The following DPP6 variants were observed in gnomAD, a reference collection of about 807,000 sequenced individuals.
DPP6 encodes the protein dipeptidyl peptidase like 6, also known as A-type potassium channel modulatory protein DPP6.
In DPP6, 69 loss-of-function variants were observed where a neutral mutation model predicts 122.6. The ratio of observed to expected loss-of-function variants is 0.56; its 90% CI spans 0.46 to 0.69. The LOEUF (loss-of-function observed/expected upper bound fraction) is 0.69, where lower values mean the gene tolerates loss of function less well. DPP6 is among the 30% of genes least tolerant of loss of function. The pLI, the probability that DPP6 is intolerant of heterozygous loss-of-function variation, is 0.00. For synonymous variants in DPP6, 418 were observed against 433.1 expected (o/e 0.97, Z 0.43); for missense variants, 928 against 1,116.9 (o/e 0.83, Z 2.41).
intron 1 of DPP6, among the ~76,000 whole-genome samples, chr7:153,890,682 ACTT>A (rs1363674188): frequency 7.5e-5 from 10 of 132,882 alleles, no homozygotes; most frequent in Non-Finnish European, 1.2e-4. Context: ...TCAGTTTAGA[ACTT>A]TTTTTTTTTT....
chr7:153,904,561 AATC>A (rs1799770332), intron 1 of DPP6, among the ~76,000 whole-genome samples: 2 of 152,160 alleles, frequency 1.3e-5, no homozygotes, highest in Non-Finnish European at 2.9e-5. Context: ...CACTTACCCT[AATC>A]ATTTCTTGAA....
At chr7:154,083,022 G>A (rs1020742422) in intron 1 of DPP6, among the ~76,000 whole-genome samples, 4 of 151,698 alleles carry the variant, frequency 2.6e-5, no homozygotes, top group African/African-American at 7.3e-5. Flanking sequence ...CTAATTTTTT[G>A]TATTTTTTAG....
At chr7:153,900,634 G>A (rs1275913187) in intron 1 of DPP6, among the ~76,000 whole-genome samples, 1 of 152,152 alleles carries the variant, frequency 6.6e-6, no homozygotes, top group African/African-American at 2.4e-5. Flanking sequence ...GTAACACCAA[G>A]CCATTCATGA....
chr7:153,869,819 T>C, the DPP6 span, among the ~76,000 whole-genome samples: 20 of 152,334 alleles, frequency 1.3e-4, no homozygotes, highest in South Asian at 3.9e-3. Context: ...TAGTGCTTCC[T>C]TCAGGAGCTC....
chr7:154,590,356 T>A (rs898932113), intron 5 of DPP6, among the ~76,000 whole-genome samples: 2 of 151,756 alleles, frequency 1.3e-5, no homozygotes, highest in Non-Finnish European at 2.9e-5. Flanking sequence ...CTTATTTTTT[T>A]ATGCTTTTAC....
intron 21 of DPP6, among the ~76,000 whole-genome samples, chr7:154,883,385 TGCTCACA>T (rs1271667880): frequency 1.3e-5 from 1 of 74,962 alleles, no homozygotes; most frequent in Non-Finnish European, 2.5e-5. Context: ...TACATACACC[TGCTCACA>T]CACACACACA....
chr7:153,895,082 T>G (rs1189984985), intron 1 of DPP6, among the ~76,000 whole-genome samples: 1 of 152,178 alleles, frequency 6.6e-6, no homozygotes, highest in Non-Finnish European at 1.5e-5. Context: ...TAGACTGAAT[T>G]TGGGGAAAAA....
At chr7:154,020,656 A>G (rs2533820) in intron 1 of DPP6, among the ~76,000 whole-genome samples, 39 of 152,324 alleles carry the variant, frequency 2.6e-4, no homozygotes, top group African/African-American at 9.4e-4. Flanking sequence ...TTGCAAGTGA[A>G]TTTAAATAGC....
In DPP6 at chr7:154,684,661, C is replaced by T. The variant is rs113597740; in HGVS notation, c.762+15220C>T. 7.3e-3 allele frequency among the ~76,000 whole-genome samples: 1,119 copies of T among 152,264 alleles called. 14 individuals carry two copies. Among genetic ancestry groups the T allele is most frequent in the African/African-American group, 0.026 (1,066 of 41,540 alleles). ...ACATGGGTCCCAATTACCATGACACCGTGTTCAAACCCAGGCTCACCAGTT... is the reference window on the plus strand; with the variant it reads ...ACATGGGTCCCAATTACCATGACACTGTGTTCAAACCCAGGCTCACCAGTT... On this transcript the variant is annotated intron_variant, in intron 7 of 25. Coordinates refer to ENST00000377770, the MANE Select transcript of DPP6 (RefSeq NM_130797.4).
intron 1 of DPP6, among the ~76,000 whole-genome samples, chr7:153,918,322 T>G (rs954908046): frequency 6.6e-6 from 1 of 152,162 alleles, no homozygotes; most frequent in African/African-American, 2.4e-5. Flanking sequence ...AGAAATCATG[T>G]GTTTATAGAC....
At chr7:154,008,632 C>T (rs1314177840) in intron 1 of DPP6, among the ~76,000 whole-genome samples, 1 of 150,524 alleles carries the variant, frequency 6.6e-6, no homozygotes, top group Non-Finnish European at 1.5e-5. Flanking sequence ...GCAATAAGTA[C>T]AGTAATTAGG....
At chr7:154,738,742 G>A (rs1417714052) in intron 8 of DPP6, among the ~76,000 whole-genome samples, 1 of 152,220 alleles carries the variant, frequency 6.6e-6, no homozygotes, top group East Asian at 1.9e-4. Flanking sequence ...TTTCTATGAA[G>A]TTCAGTGCTA....
In DPP6 at chr7:154,322,318, C is replaced by T. The variant is rs950480476; in HGVS notation, c.244-123896C>T. Among the ~76,000 whole-genome samples, 4 of 152,244 alleles carry T rather than the reference C, an allele frequency of 2.6e-5. No homozygotes were observed. The East Asian group carries it at 7.7e-4, about 29-fold the overall frequency. On this transcript the variant is annotated intron_variant, in intron 1 of 25. Transcript: ENST00000377770. ...TTTTTGTTTGTAGAAGCTTGTTCTCCATTTCTTCTTATTTGGGCAAAATAA... is the reference window on the plus strand; with the variant it reads ...TTTTTGTTTGTAGAAGCTTGTTCTCTATTTCTTCTTATTTGGGCAAAATAA...
At chr7:154,721,751 T>C (rs1841821823) in intron 7 of DPP6, among the ~76,000 whole-genome samples, 1 of 123,354 alleles carries the variant, frequency 8.1e-6, no homozygotes, top group South Asian at 2.4e-4. Context: ...AGAGAATGGA[T>C]TTTTTATAAG....
chr7:154,132,637 G>A (rs71221685), intron 1 of DPP6, among the ~76,000 whole-genome samples: 10 of 151,526 alleles, frequency 6.6e-5, no homozygotes, highest in South Asian at 2.1e-4. Context: ...CAAATGCATC[G>A]TGTCCTCCTC....
chr7:154,449,622 G>T (rs563375000), intron 2 of DPP6, among the ~76,000 whole-genome samples: 1 of 152,226 alleles, frequency 6.6e-6, no homozygotes, highest in East Asian at 1.9e-4. Context: ...TGTTCATATA[G>T]AAACTAGTAC....
At chr7:154,265,198 GA>G (rs1413891614) in intron 1 of DPP6, among the ~76,000 whole-genome samples, 3 of 152,120 alleles carry the variant, frequency 2.0e-5, no homozygotes, top group Non-Finnish European at 4.4e-5. Context: ...TGATAGTGAT[GA>G]TGGTGTTAAT....
chr7:154,314,114 G>A (rs965482832), intron 1 of DPP6, among the ~76,000 whole-genome samples: 2 of 152,138 alleles, frequency 1.3e-5, no homozygotes, highest in African/African-American at 4.8e-5. Flanking sequence ...TAACTTACGG[G>A]GGAGTTGGGA....
chr7:154,248,375 G>C (rs562007922), intron 1 of DPP6, among the ~76,000 whole-genome samples: 1 of 152,066 alleles, frequency 6.6e-6, no homozygotes, highest in Admixed American at 6.6e-5. Flanking sequence ...CAAAAAGGAC[G>C]TGCTCTGTAA....
Sources: gnomAD v4.1 joint callset for allele counts (sites outside exome capture counted in the v4.1 genomes callset) on GRCh38, gnomAD v4.1.1 for gene constraint, MANE v1.5 for transcripts, NCBI Gene and HGNC (gene_info 2026-07-23, HGNC 2026-07-21) for gene names.